MLXIPL: variants seen among roughly 807,000 people sequenced by gnomAD.
The protein encoded by MLXIPL is carbohydrate-responsive element-binding protein.
In MLXIPL, 49 loss-of-function variants were observed where a neutral mutation model predicts 81.5. The ratio of observed to expected loss-of-function variants is 0.60; its 90% CI spans 0.48 to 0.76. MLXIPL has a LOEUF of 0.76. Ranked by LOEUF, MLXIPL falls within the 30% of genes least tolerant of loss-of-function variation. MLXIPL has a pLI of 0.00. For missense variants in MLXIPL, 1,053 were observed against 1,167.0 expected (o/e 0.90, Z 1.42); for synonymous variants, 466 against 485.5 (o/e 0.96, Z 0.53).
At chr7:73,627,640 CT>C (rs537676578), upstream of MLXIPL, among the ~76,000 whole-genome samples, 493 of 152,218 alleles carry the variant, frequency 3.2e-3, 3 homozygotes, top group Non-Finnish European at 4.9e-3. Flanking sequence ...GCTTCTCCCC[CT>C]ATTCCTCCGT....
chr7:73,637,348 G>A, the MLXIPL span, among the ~76,000 whole-genome samples: 119 of 151,882 alleles, frequency 7.8e-4, no homozygotes, highest in African/African-American at 2.8e-3. Flanking sequence ...GGTGGCACAC[G>A]CTTGTAATCC....
chr7:73,597,759 T>A, intron 8 of MLXIPL, 46 bp from the exon 9 acceptor site: 2 of 1,294,728 alleles, frequency 1.5e-6, no homozygotes, highest in South Asian at 6.0e-5. Context: ...GGGAGAGAGC[T>A]GCCCCTGGCA....
At chr7:73,608,305 T>C (rs1795460378) in intron 2 of MLXIPL, among the ~76,000 whole-genome samples, 1 of 151,846 alleles carries the variant, frequency 6.6e-6, no homozygotes, top group South Asian at 2.1e-4. Context: ...AAGTCCTGGT[T>C]AGGGCTGGGT....
chr7:73,613,733 C>T (rs1795840282), intron 2 of MLXIPL, among the ~76,000 whole-genome samples: 2 of 152,246 alleles, frequency 1.3e-5, no homozygotes, highest in Admixed American at 6.5e-5. Flanking sequence ...TGAAACCTCA[C>T]TCTGTCTGAT....
At chr7:73,638,340 T>C in the MLXIPL span, among the ~76,000 whole-genome samples, 1 of 152,216 alleles carries the variant, frequency 6.6e-6, no homozygotes, top group Non-Finnish European at 1.5e-5. Context: ...AATCTCACTC[T>C]GTCACCCAGG....
intron 16 of MLXIPL, 78 bp from the exon 17 acceptor site, chr7:73,594,061 T>A (rs1418512782): frequency 1.4e-6 from 2 of 1,413,604 alleles, no homozygotes; most frequent in African/African-American, 2.8e-5. Flanking sequence ...ACCAAAGGGA[T>A]AGGGGGAGGT....
upstream of MLXIPL, among the ~76,000 whole-genome samples, chr7:73,627,250 C>CTTT (rs869038650): frequency 5.7e-4 from 76 of 133,894 alleles, no homozygotes; most frequent in African/African-American, 1.6e-3. Flanking sequence ...AAGTGGCCCT[C>CTTT]TTTTTTTTTT....
chr7:73,604,078 T>G (rs2116320742), intron 7 of MLXIPL, among the ~76,000 whole-genome samples: 1 of 151,504 alleles, frequency 6.6e-6, no homozygotes, highest in Non-Finnish European at 1.5e-5. Context: ...TAGCTGGGTG[T>G]GGTGGCACAT....
In MLXIPL at chr7:73,599,560, G is replaced by A; in HGVS notation, c.1037C>T (p.Ala346Val). 6.2e-7 allele frequency: 1 copy of A among 1,613,160 alleles called. No individual in the cohort carries two copies. ...LGPEVPPASS[A>V]MTHLSGHSRL... ...GCTGTGTCCAGAGAGGTGGGTCATG[G>A]CCGAGGAAGCCGGGGGCACCTCTGG... Residue 346 changes from alanine (A) to valine (V), a missense_variant, in exon 8 of 17, where the codon GCC becomes GTC. Ala to Val is a moderately conservative substitution (Grantham distance 64). Around this residue, in one of 3 missense-constraint regions of MLXIPL, gnomAD observed 823 missense variants for 933.0 expected, o/e 0.88. Coordinates refer to ENST00000313375, the MANE Select transcript of MLXIPL (RefSeq NM_032951.3).
intron 15 of MLXIPL, among the ~76,000 whole-genome samples, 189 bp downstream of exon 15, chr7:73,595,448 C>G (rs782280672): frequency 2.0e-5 from 3 of 152,190 alleles, no homozygotes; most frequent in South Asian, 2.1e-4. Flanking sequence ...CCCAGCCCCC[C>G]ATCCCTGGGC....
chr7:73,624,167 G>T, intron 1 of MLXIPL, 33 bp downstream of exon 1: 1 of 810,410 alleles, frequency 1.2e-6, no homozygotes, highest in Non-Finnish European at 1.8e-6. Flanking sequence ...CCACCTGGAA[G>T]CCAAGGCCGT....
rs1796601813 is a variant in MLXIPL, at chr7:73,624,509, A to C, written c.-17T>G. ...GCCGGCCATGGCTGTCGCCGCCGCAACCGCCTGGTCCCTGCTCCGCGCAGC... is the reference window on the plus strand; with the variant it reads ...GCCGGCCATGGCTGTCGCCGCCGCACCCGCCTGGTCCCTGCTCCGCGCAGC... On this transcript the variant is annotated 5_prime_UTR_variant, in exon 1 of 17. Transcript: ENST00000313375. The C allele has an allele frequency of 6.6e-7, 1 of 1,523,318 alleles. No homozygotes were observed. Among genetic ancestry groups the C allele is most frequent in the African/African-American group, 1.4e-5 (1 of 71,354 alleles). The allele number at this position is 1,523,318 out of a possible 1,614,324, so 94.4% of individuals were successfully genotyped here. A position where few individuals can be genotyped will look rare whatever the true frequency, so the allele number is the denominator to read the frequency against.
chr7:73,604,157 A>G (rs1383154080), intron 7 of MLXIPL, among the ~76,000 whole-genome samples: 1 of 132,362 alleles, frequency 7.6e-6, no homozygotes, highest in Non-Finnish European at 1.6e-5. Context: ...CGGAAGCTGC[A>G]GTGAGCTGAG....
chr7:73,630,948 C>T, the MLXIPL span, among the ~76,000 whole-genome samples: 1 of 152,140 alleles, frequency 6.6e-6, no homozygotes, highest in Non-Finnish European at 1.5e-5. Flanking sequence ...ACTGGAGATG[C>T]CCCGGATGCC....
chr7:73,636,976 T>G, the MLXIPL span, among the ~76,000 whole-genome samples: 1 of 150,374 alleles, frequency 6.7e-6, no homozygotes, highest in Non-Finnish European at 1.5e-5. Context: ...AGGAGAATGA[T>G]GTTAACCCGG....
chr7:73,620,965 G>T (rs1401501675), intron 1 of MLXIPL, among the ~76,000 whole-genome samples: 1 of 151,238 alleles, frequency 6.6e-6, no homozygotes, highest in Non-Finnish European at 1.5e-5. Context: ...CATGAGAATC[G>T]CTTGAACTCA....
At chr7:73,627,277 C>T (rs1554604011), upstream of MLXIPL, among the ~76,000 whole-genome samples, 1 of 144,288 alleles carries the variant, frequency 6.9e-6, no homozygotes, top group African/African-American at 2.6e-5. Context: ...TTGAGCCAGT[C>T]TCAGTCTGTC....
In MLXIPL at chr7:73,607,010, C is replaced by T; in HGVS notation, c.582G>A (p.Lys194=). Residue 194 remains lysine, a synonymous_variant, in exon 5 of 17, where the codon AAG becomes AAA. Coordinates refer to ENST00000313375, the MANE Select transcript of MLXIPL (RefSeq NM_032951.3). ...CCAGGAGGTCATCTTCCCTGCTGGG[C>T]TTACGGAGCTGCAGGGACACACAGA... The part of the protein sequence containing the change: ...WRIYYKKRLR[K]PSREDDLLAP... 2 of 1,613,740 alleles carry T rather than the reference C, an allele frequency of 1.2e-6. No individual in the cohort carries two copies. Among genetic ancestry groups the T allele is most frequent in the Non-Finnish European group, 1.7e-6 (2 of 1,179,864 alleles).
rs1460164553 is a variant in MLXIPL, at chr7:73,599,804, A to G, written c.902-109T>C. The G allele has an allele frequency of 1.3e-5, 14 of 1,091,660 alleles. No individual in the cohort carries two copies. The East Asian group carries it at 3.4e-4, about 26-fold the overall frequency. The allele number at this position is 1,091,660 out of a possible 1,614,324, so 67.6% of individuals were successfully genotyped here. On this transcript the variant is annotated intron_variant, in intron 7 of 16. Coordinates refer to ENST00000313375, the MANE Select transcript of MLXIPL (RefSeq NM_032951.3). ...AGCCTTGGCGGGTGGGGACATGGGG[A>G]CTGGCGGGCAGAGGGTGGGGGTCCC...
Sources: gnomAD v4.1 joint callset for allele counts (sites outside exome capture counted in the v4.1 genomes callset) on GRCh38, gnomAD v4.1.1 for gene constraint, gnomAD v4.1.1 regional missense constraint, MANE v1.5 for transcripts, NCBI Gene and HGNC (gene_info 2026-07-23, HGNC 2026-07-21) for gene names.